OSBPL9: variants seen among roughly 807,000 people sequenced by gnomAD.
OSBPL9 encodes oxysterol binding protein like 9.
Under a neutral mutation model 106.6 loss-of-function variants are expected in OSBPL9, and 40 were observed. The observed-to-expected ratio is 0.38, with a 90% CI of 0.29 to 0.49. OSBPL9 has a LOEUF of 0.49. Ranked by LOEUF, OSBPL9 falls within the 20% of genes least tolerant of loss-of-function variation. The probability of loss-of-function intolerance (pLI) is 0.97; values close to 1 mark genes in which losing one functional copy is unlikely to be tolerated. For missense variants in OSBPL9, 609 were observed against 887.2 expected (o/e 0.69, Z 3.98); for synonymous variants, 269 against 295.4 (o/e 0.91, Z 0.92).
rs375207837 is a variant in OSBPL9 at position 51,639,779 on chromosome 1, G to T, written c.112-12212G>T. On this transcript the variant is annotated intron_variant, in intron 1 of 23. Coordinates refer to ENST00000428468, the MANE Select transcript of OSBPL9 (RefSeq NM_024586.6). Reference sequence around the variant, plus strand: ...AATTAACATTCAAATAAATTTAAGTGTCCTCATGTAACAGATTCGGGGAGG... The same window carrying T: ...AATTAACATTCAAATAAATTTAAGTTTCCTCATGTAACAGATTCGGGGAGG... 1.4e-4 allele frequency among the ~76,000 whole-genome samples: 20 copies of T among 142,814 alleles called. No homozygotes were observed. In the East Asian group the frequency reaches 1.9e-3, roughly 13 times the overall value. The allele number at this position is 142,814 out of a possible 152,430, so 93.7% of individuals were successfully genotyped here.
At chr1:51,763,701 C>T (rs1448943732) in intron 11 of OSBPL9, among the ~76,000 whole-genome samples, 6 of 152,172 alleles carry the variant, frequency 3.9e-5, no homozygotes, top group African/African-American at 7.2e-5. Flanking sequence ...AAAAATAGCT[C>T]TCTTACTTGA....
chr1:51,545,896 G>A, the OSBPL9 span, among the ~76,000 whole-genome samples: 10 of 152,194 alleles, frequency 6.6e-5, no homozygotes, highest in South Asian at 2.1e-4. Flanking sequence ...ATTCTACATC[G>A]TATAAGAGTA....
intron 1 of OSBPL9, among the ~76,000 whole-genome samples, chr1:51,623,791 A>G (rs148287111): frequency 4.6e-5 from 7 of 152,360 alleles, no homozygotes; most frequent in East Asian, 3.9e-4. Flanking sequence ...GCAAACATGT[A>G]AAAGTAGTCT....
intron 3 of OSBPL9, among the ~76,000 whole-genome samples, chr1:51,703,510 T>G (rs141489431): frequency 0.019 from 2,863 of 152,328 alleles, 49 homozygotes; most frequent in African/African-American, 0.046. Context: ...GAGACTTTGC[T>G]GAAGTTGCTT....
At chr1:51,688,600 G>C (rs1654318767) in intron 3 of OSBPL9, among the ~76,000 whole-genome samples, 1 of 152,032 alleles carries the variant, frequency 6.6e-6, no homozygotes, top group Admixed American at 6.6e-5. Context: ...CTGGGCAACA[G>C]AGCAAGATCC....
intron 2 of OSBPL9, among the ~76,000 whole-genome samples, chr1:51,598,356 A>G (rs2148603211): frequency 6.6e-6 from 1 of 152,392 alleles, no homozygotes; most frequent in South Asian, 2.1e-4. Flanking sequence ...CCAGGCCTTG[A>G]ATGCCAACTG....
At chr1:51,541,783 A>G in the OSBPL9 span, among the ~76,000 whole-genome samples, 2 of 152,142 alleles carry the variant, frequency 1.3e-5, no homozygotes, top group Non-Finnish European at 2.9e-5. Context: ...GCTTCCCAGT[A>G]GTTGCTCTCT....
At chr1:51,758,475 G>A (rs1670828889) in intron 9 of OSBPL9, among the ~76,000 whole-genome samples, 1 of 151,170 alleles carries the variant, frequency 6.6e-6, no homozygotes, top group African/African-American at 2.4e-5. Flanking sequence ...CTTCCTTAGA[G>A]TTTAATGATA....
chr1:51,603,065 G>A (rs546511488), intron 2 of OSBPL9, among the ~76,000 whole-genome samples: 39 of 152,250 alleles, frequency 2.6e-4, no homozygotes, highest in African/African-American at 7.5e-4. Flanking sequence ...TGAAGTGGGA[G>A]AATCACTTAA....
intron 1 of OSBPL9, among the ~76,000 whole-genome samples, chr1:51,621,516 A>G (rs1452833524): frequency 1.3e-5 from 2 of 152,112 alleles, no homozygotes; most frequent in Non-Finnish European, 2.9e-5. Flanking sequence ...AAAAAAAAAA[A>G]AAAAAGAAAG....
chr1:51,561,725 T>C, the OSBPL9 span: 1 of 152,230 alleles, frequency 6.6e-6, no homozygotes, highest in Middle Eastern at 3.2e-3. Context: ...TAGTAACTTA[T>C]AATTATTAGG....
chr1:51,720,433 C>G (rs1661872757), intron 4 of OSBPL9, among the ~76,000 whole-genome samples: 1 of 151,482 alleles, frequency 6.6e-6, no homozygotes, highest in Admixed American at 6.6e-5. Context: ...TCAAGCAATT[C>G]TCCTGCCTCA....
At chr1:51,734,146 A>C (rs1665121776) in intron 4 of OSBPL9, among the ~76,000 whole-genome samples, 1 of 152,238 alleles carries the variant, frequency 6.6e-6, no homozygotes, top group African/African-American at 2.4e-5. Context: ...GTGTGTATAC[A>C]TGTGCGCACG....
At chr1:51,698,986 T>A (rs1656675568) in intron 3 of OSBPL9, among the ~76,000 whole-genome samples, 1 of 152,174 alleles carries the variant, frequency 6.6e-6, no homozygotes, top group African/African-American at 2.4e-5. Context: ...TTTACTGACA[T>A]GCTAGGAGAA....
intron 1 of OSBPL9, among the ~76,000 whole-genome samples, chr1:51,583,987 A>G (rs11205869): frequency 0.2 from 30,030 of 151,864 alleles, 4,359 homozygotes; most frequent in African/African-American, 0.41. Flanking sequence ...TACCTGAACT[A>G]ATGATCCCAC....
intron 1 of OSBPL9, among the ~76,000 whole-genome samples, chr1:51,646,374 T>C (rs1254553291): frequency 6.6e-6 from 1 of 152,214 alleles, no homozygotes; most frequent in Non-Finnish European, 1.5e-5. Context: ...CTTTTGATGC[T>C]ATTATAAATG....
In OSBPL9 at chr1:51,651,999, CA is replaced by C; in HGVS notation, c.124del (p.Met42Ter). 1.2e-6 allele frequency: 2 copies of C among 1,607,760 alleles called. No individual in the cohort carries two copies. Among genetic ancestry groups the C allele is most frequent in the Non-Finnish European group, 1.7e-6 (2 of 1,176,898 alleles). ...GLLSYYTSKD[K>X]MMRGSRRGCV... is the part of the protein sequence containing the mutation. ...CTTTGTTTTTCTTTTAGTCCAAGGA[CA>C]AAATGATGAGAGGCTCTCGCAGAGG... On this transcript the variant is annotated frameshift_variant, in exon 2 of 24. Coordinates refer to ENST00000428468, the MANE Select transcript of OSBPL9 (RefSeq NM_024586.6). LOFTEE classifies it high-confidence loss of function.
intron 3 of OSBPL9, chr1:51,669,885 G>T: frequency 2.2e-6 from 1 of 455,284 alleles, no homozygotes; most frequent in East Asian, 6.7e-5. Flanking sequence ...GATTGTGAAG[G>T]TTGCAGTGTT....
At chr1:51,643,030 G>A (rs1372710625) in intron 1 of OSBPL9, among the ~76,000 whole-genome samples, 1 of 152,192 alleles carries the variant, frequency 6.6e-6, no homozygotes, top group Non-Finnish European at 1.5e-5. Context: ...TTAGCAGCTG[G>A]AAGAGCATAG....
Sources: allele counts gnomAD v4.1 joint callset (sites outside exome capture counted in the v4.1 genomes callset), GRCh38; gene constraint gnomAD v4.1.1; transcripts MANE v1.5; gene names NCBI Gene and HGNC (gene_info 2026-07-23, HGNC 2026-07-21).